Variants in DOCK3 observed in about 807,000 individuals in gnomAD.
DOCK3 encodes the protein dedicator of cytokinesis 3.
Under a neutral mutation model 265.6 loss-of-function variants are expected in DOCK3, and 60 were observed. That is an observed-to-expected ratio of 0.23 (90% CI 0.18 to 0.28). The LOEUF is 0.28. Among genes scored for constraint, DOCK3 ranks in the 10% least tolerant of loss-of-function variants. The probability of loss-of-function intolerance (pLI) is 1.00; values close to 1 mark genes in which losing one functional copy is unlikely to be tolerated. For missense variants in DOCK3, 1,981 were observed against 2,594.3 expected, an observed-to-expected ratio of 0.76 and a Z score of 5.14; for synonymous variants, 881 against 938.0, an observed-to-expected ratio of 0.94 and a Z score of 1.11.
intron 2 of DOCK3, among the ~76,000 whole-genome samples, chr3:50,831,291 C>T (rs925917580): frequency 4.0e-5 from 6 of 151,422 alleles, no homozygotes; most frequent in South Asian, 4.2e-4. Context: ...AGAATTATTA[C>T]GTAGGTATAC....
intron 3 of DOCK3, chr3:50,881,456 G>A (rs1156814372): frequency 3.9e-5 from 6 of 152,200 alleles, no homozygotes; most frequent in South Asian, 4.1e-4. Flanking sequence ...AAAATCACAA[G>A]CATTCCTGTA....
intron 5 of DOCK3, among the ~76,000 whole-genome samples, chr3:51,008,972 T>G (rs1021037806): frequency 1.3e-5 from 2 of 152,130 alleles, no homozygotes; most frequent in Non-Finnish European, 2.9e-5. Flanking sequence ...TGAAGCCAAC[T>G]TGATCTTGGT....
At chr3:50,875,741 G>A (rs1327518858) in intron 3 of DOCK3, among the ~76,000 whole-genome samples, 1 of 151,890 alleles carries the variant, frequency 6.6e-6, no homozygotes, top group African/African-American at 2.4e-5. Flanking sequence ...ATATTCATCA[G>A]GATTATCGGC....
intron 2 of DOCK3, among the ~76,000 whole-genome samples, chr3:50,815,683 A>G (rs2044033241): frequency 6.6e-6 from 1 of 151,784 alleles, no homozygotes; most frequent in Non-Finnish European, 1.5e-5. Flanking sequence ...TGCTTTATTG[A>G]TAATTTCAGT....
intron 6 of DOCK3, among the ~76,000 whole-genome samples, chr3:51,069,405 A>G (rs1435012935): frequency 6.6e-6 from 1 of 152,144 alleles, no homozygotes; most frequent in Admixed American, 6.5e-5. Context: ...TCATCACTAC[A>G]GTAGCTAGCT....
chr3:50,725,229 G>A (rs983304111), intron 1 of DOCK3, among the ~76,000 whole-genome samples: 1 of 152,092 alleles, frequency 6.6e-6, no homozygotes, highest in Non-Finnish European at 1.5e-5. Context: ...GACAATAAGA[G>A]CACAAATGGT....
At chr3:50,943,815 A>G (rs562392214) in intron 5 of DOCK3, among the ~76,000 whole-genome samples, 1 of 152,238 alleles carries the variant, frequency 6.6e-6, no homozygotes, top group East Asian at 1.9e-4. Flanking sequence ...GGTTTTGTGG[A>G]CTAGAAGAGG....
intron 27 of DOCK3, among the ~76,000 whole-genome samples, chr3:51,299,307 T>C (rs1371017479): frequency 1.3e-5 from 2 of 152,312 alleles, no homozygotes; most frequent in East Asian, 3.9e-4. Context: ...TTGTAGATTC[T>C]GGATATTAGA....
rs1252975346 is a variant in DOCK3 at position 51,228,008 on chromosome 3, T to A, written c.1567T>A (p.Phe523Ile). Reference sequence around the variant, plus strand: ...AAAGGACAAAGGGGAAAAGAAACTCTTTGGCTTTGCATTCTCAACCCTGAT... The same window carrying A: ...AAAGGACAAAGGGGAAAAGAAACTCATTGGCTTTGCATTCTCAACCCTGAT... ...STKDKGEKKLFGFAFSTLMRD... is the reference protein window; with the variant it reads ...STKDKGEKKLIGFAFSTLMRD... The change falls in exon 17 of 53, where the codon TTT becomes ATT. Residue 523 changes from phenylalanine (F) to isoleucine (I), a missense_variant. Coordinates refer to ENST00000266037, the MANE Select transcript of DOCK3 (RefSeq NM_004947.5). 1 of 1,614,032 alleles carries A rather than the reference T, an allele frequency of 6.2e-7. No homozygotes were observed. Among genetic ancestry groups the A allele is most frequent in the Admixed American group, 1.7e-5 (1 of 60,030 alleles).
intron 1 of DOCK3, among the ~76,000 whole-genome samples, chr3:50,736,528 G>A (rs1240205267): frequency 6.6e-6 from 1 of 152,102 alleles, no homozygotes; most frequent in African/African-American, 2.4e-5. Flanking sequence ...TAGTGTAAAA[G>A]TGTTCCTATT....
intron 14 of DOCK3, among the ~76,000 whole-genome samples, chr3:51,219,287 G>A (rs1474371238): frequency 2.0e-5 from 3 of 152,058 alleles, no homozygotes; most frequent in Admixed American, 6.6e-5. Context: ...AAGATAGTTG[G>A]GTGTAAGTTC....
intron 33 of DOCK3, among the ~76,000 whole-genome samples, chr3:51,331,939 T>C (rs2084547404): frequency 6.6e-6 from 1 of 152,250 alleles, no homozygotes; most frequent in Non-Finnish European, 1.5e-5. Context: ...TGAAAAATGC[T>C]GGTACATTTC....
At chr3:50,778,821 T>G (rs572280976) in intron 2 of DOCK3, 63 bp downstream of exon 2, 1 of 1,154,214 alleles carries the variant, frequency 8.7e-7, no homozygotes, top group South Asian at 1.5e-5. Context: ...TATACATTTA[T>G]TTTGTGCTAA....
At chr3:51,290,512 G>A (rs552748589) in intron 27 of DOCK3, among the ~76,000 whole-genome samples, 3 of 152,082 alleles carry the variant, frequency 2.0e-5, no homozygotes, top group Admixed American at 6.5e-5. Context: ...AGGAAGGGGA[G>A]CATCACACAC....
chr3:51,237,924 AT>A (rs1255792047), intron 21 of DOCK3, among the ~76,000 whole-genome samples: 1 of 151,446 alleles, frequency 6.6e-6, no homozygotes, highest in Non-Finnish European at 1.5e-5. Context: ...GGCACCCACC[AT>A]TCTATTCTAC....
At chr3:50,715,201 G>A (rs1472962702) in intron 1 of DOCK3, among the ~76,000 whole-genome samples, 1 of 152,172 alleles carries the variant, frequency 6.6e-6, no homozygotes, top group African/African-American at 2.4e-5. Context: ...CTTTGCTCGG[G>A]TGGATCAGGA....
chr3:50,684,979 A>T (rs563179185), intron 1 of DOCK3, among the ~76,000 whole-genome samples: 2 of 152,278 alleles, frequency 1.3e-5, no homozygotes, highest in South Asian at 4.1e-4. Flanking sequence ...TCTTATTTTC[A>T]TTACCCAGAC....
At chr3:50,867,792 A>T (rs747315033) in intron 3 of DOCK3, among the ~76,000 whole-genome samples, 4 of 152,116 alleles carry the variant, frequency 2.6e-5, no homozygotes, top group Admixed American at 2.6e-4. Context: ...ATCATGATGA[A>T]TGATCTCTTT....
intron 15 of DOCK3, 136 bp from the exon 16 acceptor site, chr3:51,227,147 C>G (rs1404843094): frequency 1.9e-5 from 17 of 891,540 alleles, no homozygotes; most frequent in African/African-American, 1.8e-4. Context: ...AAATCAAATG[C>G]ATTTTCTTAT....
Sources: allele counts gnomAD v4.1 joint callset (sites outside exome capture counted in the v4.1 genomes callset), GRCh38; gene constraint gnomAD v4.1.1; transcripts MANE v1.5; gene names NCBI Gene and HGNC (gene_info 2026-07-23, HGNC 2026-07-21).